The following SLC24A4 variants were observed in gnomAD, a reference collection of about 807,000 sequenced individuals.
The protein encoded by SLC24A4 is sodium/potassium/calcium exchanger 4.
In SLC24A4, 53 loss-of-function variants were observed where a neutral mutation model predicts 79.0. The ratio of observed to expected loss-of-function variants is 0.67; its 90% CI spans 0.54 to 0.84. The LOEUF (loss-of-function observed/expected upper bound fraction) is 0.84. SLC24A4 is among the 40% of genes least tolerant of loss of function. The pLI is 0.00. For synonymous variants in SLC24A4, 323 were observed against 323.8 expected (o/e 1.00, Z 0.03); for missense variants, 731 against 822.0 (o/e 0.89, Z 1.35).
chr14:92,331,912 T>C (rs917436287), intron 2 of SLC24A4, among the ~76,000 whole-genome samples: 1 of 152,228 alleles, frequency 6.6e-6, no homozygotes, highest in Non-Finnish European at 1.5e-5. Flanking sequence ...ATTTTCTTAA[T>C]AAAATTTTTC....
chr14:92,433,799 A>C, intron 2 of SLC24A4, 113 bp from the exon 3 acceptor site: 1 of 848,466 alleles, frequency 1.2e-6, no homozygotes, highest in South Asian at 1.4e-5. Flanking sequence ...CTCTCTGATC[A>C]GTCCAAAGCG....
intron 2 of SLC24A4, among the ~76,000 whole-genome samples, chr14:92,396,173 T>G (rs1429396109): frequency 6.6e-6 from 1 of 152,186 alleles, no homozygotes; most frequent in Admixed American, 6.5e-5. Context: ...TATAAGCAAA[T>G]CACGAATAGT....
Position 92,353,297 on chromosome 14 carries a change from C to T in SLC24A4, c.241+27319C>T, listed in dbSNP as rs1886991054. Among the ~76,000 whole-genome samples, 1 of 152,256 alleles carries T rather than the reference C, an allele frequency of 6.6e-6. No individual in the cohort carries two copies. Among genetic ancestry groups the T allele is most frequent in the Non-Finnish European group, 1.5e-5 (1 of 68,054 alleles). On this transcript the variant is annotated intron_variant, in intron 2 of 16. Coordinates refer to ENST00000532405, the MANE Select transcript of SLC24A4 (RefSeq NM_153646.4). This position sits in a 1 kb window ranked among gnomAD's most constrained non-coding sequence, Gnocchi z 4.1. ...TCTTTTCCCATCCTTTAATCATCTA[C>T]ATAGTATTCTATTGTGCGGATGTGC...
At chr14:92,376,294 CA>C (rs1170144674) in intron 2 of SLC24A4, among the ~76,000 whole-genome samples, 10 of 152,206 alleles carry the variant, frequency 6.6e-5, no homozygotes, top group Admixed American at 6.5e-4. Context: ...TAAGGTCAGC[CA>C]TGAATGGATT....
At chr14:92,423,602 G>A (rs7150295) in intron 2 of SLC24A4, among the ~76,000 whole-genome samples, 63,605 of 152,130 alleles carry the variant, frequency 0.42, 13,536 homozygotes, top group Non-Finnish European at 0.44. Context: ...ATTGCTGCTA[G>A]CTGTGGAAAT....
At chr14:92,463,580 CTG>C (rs1595329810) in intron 12 of SLC24A4, among the ~76,000 whole-genome samples, 1 of 152,196 alleles carries the variant, frequency 6.6e-6, no homozygotes, top group Non-Finnish European at 1.5e-5. Flanking sequence ...TTCAGTCACT[CTG>C]TGTGCGCAGA....
chr14:92,443,005 A>G (rs41304353), intron 6 of SLC24A4, among the ~76,000 whole-genome samples, 189 bp downstream of exon 6: 11,821 of 152,240 alleles, frequency 0.078, 734 homozygotes, highest in East Asian at 0.15. Flanking sequence ...TTGATACCCC[A>G]TTAGATATCC....
chr14:92,408,407 GC>G (rs1890525833), intron 2 of SLC24A4: 1 of 985,318 alleles, frequency 1.0e-6, no homozygotes, highest in African/African-American at 1.7e-5. Flanking sequence ...GGCAACTGCA[GC>G]TAAAGCTCTC....
At chr14:92,455,074 C>G (rs887375063) in intron 11 of SLC24A4, among the ~76,000 whole-genome samples, 1 of 152,168 alleles carries the variant, frequency 6.6e-6, no homozygotes, top group African/African-American at 2.4e-5. Context: ...TTATTATGCC[C>G]TAAATGTTCT....
intron 13 of SLC24A4, chr14:92,484,679 G>A (rs988612164): frequency 2.0e-6 from 2 of 985,340 alleles, no homozygotes; most frequent in Middle Eastern, 1.0e-3. Context: ...GCTAAATGGG[G>A]GACATGGGGA....
chr14:92,444,215 A>G (rs1486207685), intron 7 of SLC24A4, among the ~76,000 whole-genome samples: 1 of 152,162 alleles, frequency 6.6e-6, no homozygotes, highest in Admixed American at 6.5e-5. Context: ...CCCTAACTAT[A>G]ATACAAAGGA....
rs532665300 is a variant in SLC24A4 at position 92,373,486 on chromosome 14, A to C, written c.241+47508A>C. 1.6e-4 allele frequency among the ~76,000 whole-genome samples: 24 copies of C among 152,338 alleles called. No homozygotes were observed. In the East Asian group the frequency reaches 3.3e-3, roughly 21 times the overall value. The stretch of plus-strand genomic sequence containing the variant: ...TCTGACCCCCTCCTTGTGATGGGCT[A>C]CGGCCCCTACTGTGCCTCATTCACC... On this transcript the variant is annotated intron_variant, in intron 2 of 16. Transcript: ENST00000532405.
At chr14:92,459,638 A>C (rs1893682183) in intron 12 of SLC24A4, among the ~76,000 whole-genome samples, 2 of 152,048 alleles carry the variant, frequency 1.3e-5, no homozygotes, top group Non-Finnish European at 2.9e-5. Context: ...GCGTCTGCGG[A>C]TGTGTTTCCA....
chr14:92,332,077 G>A (rs1174765685), intron 2 of SLC24A4, among the ~76,000 whole-genome samples: 18 of 151,974 alleles, frequency 1.2e-4, no homozygotes, highest in Admixed American at 9.8e-4. Flanking sequence ...TCAGGAGTTC[G>A]AGAACAGCCT....
intron 2 of SLC24A4, among the ~76,000 whole-genome samples, chr14:92,404,485 C>T (rs1436134865): frequency 6.6e-6 from 1 of 152,334 alleles, no homozygotes; most frequent in East Asian, 1.9e-4. Flanking sequence ...AGTGCTCCAG[C>T]ACACTGGCAG....
chr14:92,405,556 C>T (rs1890329412), intron 2 of SLC24A4, among the ~76,000 whole-genome samples: 1 of 152,122 alleles, frequency 6.6e-6, no homozygotes, highest in African/African-American at 2.4e-5. Flanking sequence ...GTTTAGTTGA[C>T]ACACAGTTCC....
At chr14:92,472,463 T>C (rs1894491828) in intron 12 of SLC24A4, among the ~76,000 whole-genome samples, 1 of 152,190 alleles carries the variant, frequency 6.6e-6, no homozygotes, top group South Asian at 2.1e-4. Context: ...TGGATCCTCA[T>C]AGCTTAGCTC....
At chr14:92,451,143 T>C (rs1355935611) in intron 10 of SLC24A4, 1 of 152,222 alleles carries the variant, frequency 6.6e-6, no homozygotes, top group African/African-American at 2.4e-5. Context: ...AGGGAATGCA[T>C]TTAGATAAGG....
chr14:92,335,530 T>TA (rs1362506005), intron 2 of SLC24A4, among the ~76,000 whole-genome samples: 1 of 1,126 alleles, frequency 8.9e-4, no homozygotes, highest in African/African-American at 4.1e-3. Context: ...AATTTTTGTA[T>TA]TTTTTTTTTT....
Sources: allele counts gnomAD v4.1 joint callset (sites outside exome capture counted in the v4.1 genomes callset), GRCh38; gene constraint gnomAD v4.1.1; non-coding constraint Gnocchi (gnomAD v3.1); transcripts MANE v1.5; gene names NCBI Gene and HGNC (gene_info 2026-07-23, HGNC 2026-07-21).